The following LRRC18 variants were observed in gnomAD, a reference collection of about 807,000 sequenced individuals.
The protein encoded by LRRC18 is leucine rich repeat containing 18.
LRRC18 carries 12 observed loss-of-function variants against 11.2 expected under a neutral mutation model. The observed-to-expected ratio is 1.07, with a 90% CI of 0.69 to 1.74. The LOEUF (loss-of-function observed/expected upper bound fraction) is 1.74. Among genes scored for constraint, LRRC18 ranks in the 40% most tolerant of loss-of-function variants. The pLI, the probability that LRRC18 is intolerant of heterozygous loss-of-function variation, is 0.00. For synonymous variants in LRRC18, 155 were observed against 130.6 expected (o/e 1.19, Z -1.27); for missense variants, 374 against 330.5 (o/e 1.13, Z -1.02).
chr10:48,934,466 T>A, the LRRC18 span, among the ~76,000 whole-genome samples: 9 of 152,216 alleles, frequency 5.9e-5, no homozygotes, highest in Non-Finnish European at 1.2e-4. Flanking sequence ...ACAAAGACTC[T>A]AAGTAGAGGG....
At chr10:48,923,983 C>T in the LRRC18 span, among the ~76,000 whole-genome samples, 3 of 152,198 alleles carry the variant, frequency 2.0e-5, no homozygotes, top group Admixed American at 2.0e-4. Flanking sequence ...GCCCTCCCAG[C>T]TCTGATGAAT....
upstream of LRRC18, among the ~76,000 whole-genome samples, chr10:48,917,286 C>T (rs987627696): frequency 1.3e-5 from 2 of 152,130 alleles, no homozygotes; most frequent in African/African-American, 4.8e-5. Flanking sequence ...TATACTTACA[C>T]CTGTATCTCA....
intron 1 of LRRC18, chr10:48,911,008 C>T (rs1462087227): frequency 3.4e-6 from 2 of 587,960 alleles, no homozygotes; most frequent in East Asian, 1.4e-4. Context: ...AATGGAAAGT[C>T]ATCATGTAGC....
the LRRC18 span, among the ~76,000 whole-genome samples, chr10:48,924,594 G>T: frequency 0.63 from 96,178 of 152,140 alleles, 31,104 homozygotes; most frequent in East Asian, 1. Flanking sequence ...GGTTTCTAAA[G>T]GTACTGTGTC....
At chr10:48,913,473 G>A in exon 1 of LRRC18, 1 of 1,590,446 alleles carries the variant, frequency 6.3e-7, no homozygotes, top group Non-Finnish European at 8.6e-7. Flanking sequence ...TGTCGTCGTG[G>A]CCATGTTCTT....
chr10:48,912,002 G>A (rs531958288), intron 1 of LRRC18, among the ~76,000 whole-genome samples: 17 of 152,266 alleles, frequency 1.1e-4, no homozygotes, highest in Admixed American at 2.6e-4. Flanking sequence ...ATGCCTCTTG[G>A]TGCTTCTCAT....
At chr10:48,913,665 G>C in exon 1 of LRRC18, 3 of 1,613,758 alleles carry the variant, frequency 1.9e-6, no homozygotes, top group South Asian at 2.2e-5. Context: ...GGGGAGCTTG[G>C]AGATGCTCAC....
intron 1 of LRRC18, 29 bp from the exon 4 acceptor site, chr10:48,910,287 C>G (rs1365145809): frequency 6.2e-7 from 1 of 1,610,786 alleles, no homozygotes; most frequent in Admixed American, 1.7e-5. Context: ...GAAGGTGAGG[C>G]AATTGCTCCA....
chr10:48,913,274 TTGGCTGAAAGAGCTGCTGCAG>T, intron 1 of LRRC18, 97 bp downstream of exon 3: 1 of 947,996 alleles, frequency 1.1e-6, no homozygotes, highest in Non-Finnish European at 1.6e-6. Flanking sequence ...TTTTATGGGC[TTGGCTGAAAGAGCTGCTGCAG>T]CCACAGGGGA....
the LRRC18 span, among the ~76,000 whole-genome samples, chr10:48,937,400 G>A: frequency 2.6e-5 from 4 of 152,214 alleles, no homozygotes; most frequent in Non-Finnish European, 4.4e-5. Context: ...GGGTCCTGGA[G>A]CAAGATCTGG....
chr10:48,922,814 T>C, the LRRC18 span, among the ~76,000 whole-genome samples: 1 of 152,200 alleles, frequency 6.6e-6, no homozygotes, highest in African/African-American at 2.4e-5. Context: ...AATGATTCCA[T>C]TTATGTCACC....
At chr10:48,922,716 A>G in the LRRC18 span, among the ~76,000 whole-genome samples, 4 of 152,228 alleles carry the variant, frequency 2.6e-5, no homozygotes, top group Non-Finnish European at 5.9e-5. Context: ...ACTACTAAAC[A>G]CAAAGTCTAC....
chr10:48,919,000 C>A (rs979797663), upstream of LRRC18, among the ~76,000 whole-genome samples: 4 of 152,136 alleles, frequency 2.6e-5, no homozygotes, highest in East Asian at 3.8e-4. Context: ...AAGCACTCTA[C>A]CTAGCAACTG....
At chr10:48,914,706 C>T (rs953444951), upstream of LRRC18, among the ~76,000 whole-genome samples, 11 of 152,222 alleles carry the variant, frequency 7.2e-5, no homozygotes, top group Admixed American at 6.5e-4. Context: ...CTAAGACCAA[C>T]TTCTCACATC....
At chr10:48,935,923 T>G in the LRRC18 span, among the ~76,000 whole-genome samples, 3 of 152,122 alleles carry the variant, frequency 2.0e-5, no homozygotes, top group Non-Finnish European at 4.4e-5. Flanking sequence ...TCAGTTTTTT[T>G]CTTACATTAA....
the LRRC18 span, among the ~76,000 whole-genome samples, chr10:48,932,306 C>A: frequency 1.3e-5 from 2 of 152,212 alleles, no homozygotes; most frequent in Admixed American, 1.3e-4. Flanking sequence ...CTCTGGGCCA[C>A]TCCCCACTGG....
At chr10:48,915,529 G>C (rs56031115), upstream of LRRC18, among the ~76,000 whole-genome samples, 5,623 of 152,154 alleles carry the variant, frequency 0.037, 156 homozygotes, top group Non-Finnish European at 0.055. Flanking sequence ...GTGCTCTACA[G>C]TTTCTGTACT....
At chr10:48,937,229 T>C in the LRRC18 span, among the ~76,000 whole-genome samples, 1 of 152,234 alleles carries the variant, frequency 6.6e-6, no homozygotes, top group African/African-American at 2.4e-5. Flanking sequence ...AGCCTCATAT[T>C]ATGGCATAGT....
At chr10:48,931,673 G>T in the LRRC18 span, among the ~76,000 whole-genome samples, 1 of 152,322 alleles carries the variant, frequency 6.6e-6, no homozygotes, top group East Asian at 1.9e-4. Context: ...TGCATGGAAG[G>T]CCCTTGTCTT....
Sources: allele counts gnomAD v4.1 joint callset (sites outside exome capture counted in the v4.1 genomes callset), GRCh38; gene constraint gnomAD v4.1.1; transcripts MANE v1.5; gene names NCBI Gene and HGNC (gene_info 2026-07-23, HGNC 2026-07-21).